Variants in FANK1 observed in about 807,000 individuals in gnomAD.
FANK1 encodes fibronectin type 3 and ankyrin repeat domains protein 1.
A neutral mutation model predicts 45.3 loss-of-function variants in FANK1; 44 were observed. The observed-to-expected ratio is 0.97, with a 90% CI of 0.76 to 1.25. The LOEUF is 1.25. Among genes scored for constraint, FANK1 ranks in the 50% most tolerant of loss-of-function variants. The pLI is 0.00. For synonymous variants in FANK1, 149 were observed against 152.5 expected (o/e 0.98, Z 0.17); for missense variants, 391 against 424.4 (o/e 0.92, Z 0.69).
At chr10:125,988,874 T>C in intron 3 of FANK1, 199 bp downstream of exon 3, 1 of 801,142 alleles carries the variant, frequency 1.2e-6, no homozygotes, top group East Asian at 2.8e-5. Context: ...TTTCACAAAC[T>C]GGGAGAGCTA....
intron 1 of FANK1, chr10:125,979,936 A>G: frequency 1.6e-6 from 1 of 631,416 alleles, no homozygotes; most frequent in South Asian, 1.6e-5. Flanking sequence ...ATTGATGGGC[A>G]TGGTACAATA....
intron 3 of FANK1, chr10:125,989,443 T>G: frequency 7.9e-7 from 1 of 1,269,916 alleles, no homozygotes; most frequent in Non-Finnish European, 1.1e-6. Context: ...GCATTTGGCT[T>G]GGAGGTATGT....
intron 1 of FANK1, among the ~76,000 whole-genome samples, chr10:125,925,424 T>C (rs1947280128): frequency 6.6e-6 from 1 of 152,156 alleles, no homozygotes; most frequent in South Asian, 2.1e-4. Flanking sequence ...TGTATTTTTT[T>C]CCCACTGTGC....
chr10:125,966,204 T>C (rs1396379338), intron 1 of FANK1, among the ~76,000 whole-genome samples: 1 of 152,206 alleles, frequency 6.6e-6, no homozygotes, highest in Non-Finnish European at 1.5e-5. Context: ...TTTGGGCAGT[T>C]TGCACTTACG....
intron 1 of FANK1, among the ~76,000 whole-genome samples, chr10:125,932,608 C>T (rs1306196236): frequency 6.6e-6 from 1 of 152,098 alleles, no homozygotes; most frequent in Non-Finnish European, 1.5e-5. Flanking sequence ...GTTGTAGGAG[C>T]TTTCTGGAGG....
intron 1 of FANK1, among the ~76,000 whole-genome samples, chr10:125,944,662 C>A (rs545181382): frequency 1.3e-5 from 2 of 152,190 alleles, no homozygotes; most frequent in Non-Finnish European, 2.9e-5. Context: ...GGTGGAAAAC[C>A]GCTTAAAGGC....
intron 1 of FANK1, among the ~76,000 whole-genome samples, chr10:125,904,991 T>C (rs1248293523): frequency 2.7e-5 from 4 of 150,200 alleles, no homozygotes; most frequent in East Asian, 2.0e-4. Context: ...ATTAGCCGGG[T>C]GTGGTGGTGG....
chr10:125,981,175 A>G (rs1951184752), intron 2 of FANK1, among the ~76,000 whole-genome samples: 1 of 152,092 alleles, frequency 6.6e-6, no homozygotes, highest in Non-Finnish European at 1.5e-5. Flanking sequence ...GGCCTTCCAA[A>G]TGCTTCTGGC....
chr10:125,917,323 AT>A (rs1341256943), intron 1 of FANK1, among the ~76,000 whole-genome samples: 1 of 152,206 alleles, frequency 6.6e-6, no homozygotes, highest in African/African-American at 2.4e-5. Context: ...AGGTTTTTCT[AT>A]TCTGTTTCCT....
chr10:125,950,615 A>G (rs1949144989), intron 1 of FANK1, among the ~76,000 whole-genome samples: 1 of 152,192 alleles, frequency 6.6e-6, no homozygotes, highest in Admixed American at 6.5e-5. Flanking sequence ...GAGGATGTGG[A>G]GAAATAGGAA....
intron 1 of FANK1, among the ~76,000 whole-genome samples, chr10:125,929,822 T>G (rs546945345): frequency 6.6e-6 from 1 of 152,192 alleles, no homozygotes; most frequent in South Asian, 2.1e-4. Context: ...TTACAGAGTT[T>G]TTATGAGTTT....
At chr10:126,004,648 G>A in intron 6 of FANK1, 1 of 462,982 alleles carries the variant, frequency 2.2e-6, no homozygotes, top group Non-Finnish European at 3.9e-6. Context: ...GCATCTTTCA[G>A]CACAGTGTTT....
intron 1 of FANK1, among the ~76,000 whole-genome samples, chr10:125,912,119 G>A (rs1214766070): frequency 6.6e-6 from 1 of 152,186 alleles, no homozygotes; most frequent in Non-Finnish European, 1.5e-5. Context: ...GTTGACATAA[G>A]GCGGGATCAA....
chr10:125,924,641 C>G (rs1289163346), intron 1 of FANK1, among the ~76,000 whole-genome samples: 2 of 152,048 alleles, frequency 1.3e-5, no homozygotes, highest in African/African-American at 4.8e-5. Context: ...AACTTTATCT[C>G]TACCAAACAC....
intron 1 of FANK1, among the ~76,000 whole-genome samples, chr10:125,936,928 G>A (rs763553378): frequency 1.3e-5 from 2 of 151,966 alleles, no homozygotes; most frequent in Non-Finnish European, 2.9e-5. Context: ...TTAGCCAGGC[G>A]TGGTGGTGCA....
intron 2 of FANK1, among the ~76,000 whole-genome samples, chr10:125,985,129 G>A (rs58591690): frequency 0.014 from 2,115 of 152,304 alleles, 47 homozygotes; most frequent in African/African-American, 0.046. Context: ...GGGTTATGGA[G>A]GTGCTGTTTG....
At chr10:125,937,866 A>G (rs1564890921) in intron 1 of FANK1, among the ~76,000 whole-genome samples, 1 of 152,210 alleles carries the variant, frequency 6.6e-6, no homozygotes, top group Non-Finnish European at 1.5e-5. Context: ...AGCTGCCTAT[A>G]AAAGTAACTT....
intron 1 of FANK1, among the ~76,000 whole-genome samples, chr10:125,900,201 C>T (rs376411856): frequency 6.6e-6 from 1 of 152,304 alleles, no homozygotes; most frequent in Non-Finnish European, 1.5e-5. Context: ...CGTTCACAAC[C>T]TTGGGCTGTT....
intron 1 of FANK1, among the ~76,000 whole-genome samples, chr10:125,925,851 G>A (rs76946708): frequency 1.7e-4 from 24 of 142,526 alleles, no homozygotes; most frequent in South Asian, 4.5e-4. Context: ...TGACATACTT[G>A]GATTCTGTAT....
Sources: allele counts gnomAD v4.1 joint callset (sites outside exome capture counted in the v4.1 genomes callset), GRCh38; gene constraint gnomAD v4.1.1; transcripts MANE v1.5; gene names NCBI Gene and HGNC (gene_info 2026-07-23, HGNC 2026-07-21).